Variants in MAGI2 observed in about 807,000 individuals in gnomAD.
MAGI2 encodes the protein membrane-associated guanylate kinase, WW and PDZ domain-containing protein 2.
In MAGI2, 35 loss-of-function variants were observed where a neutral mutation model predicts 133.3. That is an observed-to-expected ratio of 0.26 (90% CI 0.20 to 0.35). The LOEUF (loss-of-function observed/expected upper bound fraction) is 0.35. Among genes scored for constraint, MAGI2 ranks in the 10% least tolerant of loss-of-function variants. MAGI2 has a pLI of 1.00. For synonymous variants in MAGI2, 729 were observed against 710.6 expected, an observed-to-expected ratio of 1.03 and a Z score of -0.41; for missense variants, 1,636 against 1,863.4, an observed-to-expected ratio of 0.88 and a Z score of 2.25.
At chr7:79,220,273 A>T in intron 1 of MAGI2, among the ~76,000 whole-genome samples, 1 of 152,026 alleles carries the variant, frequency 6.6e-6, no homozygotes. Flanking sequence ...AGTTGATCAG[A>T]ACATGTCTCA....
In MAGI2 at chr7:78,068,161, A is replaced by T. The variant is rs114566533; in HGVS notation, c.3706+10786T>A. On this transcript the variant is annotated intron_variant, in intron 21 of 21. Coordinates refer to ENST00000354212, the MANE Select transcript of MAGI2 (RefSeq NM_012301.4). ...AAACTGTTCCACCTCAGATCCTCAG[A>T]GCATCAGGCATTACATGCTCATAAG... is the stretch of plus-strand genomic sequence containing the variant. Among the ~76,000 whole-genome samples, 568 of 152,266 alleles carry T rather than the reference A, an allele frequency of 3.7e-3. 4 individuals are homozygous for T. Among genetic ancestry groups the T allele is most frequent in the African/African-American group, 0.013 (549 of 41,542 alleles).
rs183692071 is a variant in MAGI2, at chr7:78,184,910, A to G, written c.2311+719T>C. 1.6e-3 allele frequency among the ~76,000 whole-genome samples: 243 copies of G among 152,328 alleles called. 2 individuals carry two copies. The highest frequency in any genetic ancestry group is 5.5e-3 in the African/African-American group (230 of 41,586). Reference sequence around the variant, plus strand: ...AAAAATTAAGTTGATATAGATATTTACTTGATTTGAAAAGAATTTCATTCT... The same window carrying G: ...AAAAATTAAGTTGATATAGATATTTGCTTGATTTGAAAAGAATTTCATTCT... On this transcript the variant is annotated intron_variant, in intron 13 of 21. Coordinates refer to ENST00000354212, the MANE Select transcript of MAGI2 (RefSeq NM_012301.4).
At chr7:79,367,163 C>A (rs1043610536) in intron 1 of MAGI2, among the ~76,000 whole-genome samples, 7 of 152,174 alleles carry the variant, frequency 4.6e-5, no homozygotes, top group Admixed American at 1.3e-4. Flanking sequence ...ACTTACCCAT[C>A]CGTCGCAAGA....
chr7:78,263,849 G>A (rs1264920314), intron 9 of MAGI2, among the ~76,000 whole-genome samples: 1 of 152,072 alleles, frequency 6.6e-6, no homozygotes, highest in Admixed American at 6.6e-5. Flanking sequence ...ATTGTCTCCT[G>A]CTTTTTCCAA....
chr7:79,371,485 T>A (rs1451727261), intron 1 of MAGI2, among the ~76,000 whole-genome samples: 1 of 152,170 alleles, frequency 6.6e-6, no homozygotes, highest in African/African-American at 2.4e-5. Flanking sequence ...GTATTTTTAC[T>A]GTAACTTTTC....
chr7:78,919,572 T>C (rs1273190097), intron 2 of MAGI2, among the ~76,000 whole-genome samples: 2 of 152,128 alleles, frequency 1.3e-5, no homozygotes, highest in African/African-American at 2.4e-5. Context: ...AATTCAGTAA[T>C]GTATCACTTA....
intron 2 of MAGI2, among the ~76,000 whole-genome samples, chr7:78,960,262 CA>C (rs1308752530): frequency 1.3e-5 from 2 of 151,820 alleles, no homozygotes; most frequent in Admixed American, 6.6e-5. Context: ...AATTTATTTG[CA>C]AAAAAGTCAC....
At chr7:78,913,768 C>T (rs1321042516) in intron 2 of MAGI2, among the ~76,000 whole-genome samples, 1 of 152,134 alleles carries the variant, frequency 6.6e-6, no homozygotes, top group Non-Finnish European at 1.5e-5. Context: ...TCTGTCTGTA[C>T]TAGGTGGATC....
chr7:79,021,425 TG>T (rs1562796824), intron 1 of MAGI2, among the ~76,000 whole-genome samples: 6 of 152,198 alleles, frequency 3.9e-5, no homozygotes, highest in African/African-American at 1.4e-4. Flanking sequence ...GTCACAGGGG[TG>T]GAGCTGCCAA....
chr7:79,041,413 A>G (rs1811657641), intron 1 of MAGI2, among the ~76,000 whole-genome samples: 1 of 152,174 alleles, frequency 6.6e-6, no homozygotes, highest in Non-Finnish European at 1.5e-5. Flanking sequence ...ATTATCTTTA[A>G]TGTTGTTACT....
Position 79,247,822 on chromosome 7 carries a change from T to C in MAGI2, c.301+205198A>G, listed in dbSNP as rs571934907. On this transcript the variant is annotated intron_variant, in intron 1 of 21. Transcript: ENST00000354212. ...TAAAATAATGACTTATAAGATAATA[T>C]TTGAAATTTTCATGGTACCCTCAAA... Among the ~76,000 whole-genome samples the C allele has an allele frequency of 2.6e-5, 4 of 152,190 alleles. No homozygotes were observed. The South Asian group carries it at 8.3e-4, about 32-fold the overall frequency.
chr7:78,890,640 C>G, intron 2 of MAGI2, among the ~76,000 whole-genome samples: 1 of 152,074 alleles, frequency 6.6e-6, no homozygotes, highest in East Asian at 1.9e-4. Context: ...GGGAACATAA[C>G]GAAATGAAGG....
chr7:79,182,600 A>C (rs1826717913), intron 1 of MAGI2, among the ~76,000 whole-genome samples: 1 of 151,996 alleles, frequency 6.6e-6, no homozygotes, highest in African/African-American at 2.4e-5. Context: ...ATGCAAACTA[A>C]TATAGCATTA....
At chr7:78,361,492 A>G (rs577908437) in intron 7 of MAGI2, among the ~76,000 whole-genome samples, 63 of 151,890 alleles carry the variant, frequency 4.1e-4, no homozygotes, top group African/African-American at 1.5e-3. Flanking sequence ...TTCTCAAAGA[A>G]ATGTTGGTGT....
intron 1 of MAGI2, among the ~76,000 whole-genome samples, chr7:79,010,042 A>G (rs1807886294): frequency 6.6e-6 from 1 of 152,100 alleles, no homozygotes; most frequent in African/African-American, 2.4e-5. Flanking sequence ...ACACATATAT[A>G]TATACACACA....
chr7:78,086,876 C>T (rs535328777), intron 20 of MAGI2, among the ~76,000 whole-genome samples: 1 of 151,962 alleles, frequency 6.6e-6, no homozygotes, highest in African/African-American at 2.4e-5. Context: ...CTCAAGTGAT[C>T]CACCCATTTT....
At chr7:79,223,436 C>G (rs1037158168) in intron 1 of MAGI2, among the ~76,000 whole-genome samples, 1 of 152,000 alleles carries the variant, frequency 6.6e-6, no homozygotes, top group Non-Finnish European at 1.5e-5. Context: ...GAAACAGTCA[C>G]TGACCACCAG....
chr7:78,363,459 C>G (rs112367169), intron 7 of MAGI2, among the ~76,000 whole-genome samples: 5,062 of 147,974 alleles, frequency 0.034, 237 homozygotes, highest in African/African-American at 0.11. Flanking sequence ...CGCCACTGCA[C>G]TCCAGCCTCG....
At chr7:78,376,092 A>G (rs780351389) in intron 6 of MAGI2, among the ~76,000 whole-genome samples, 2 of 152,118 alleles carry the variant, frequency 1.3e-5, no homozygotes, top group Non-Finnish European at 2.9e-5. Context: ...AGCTAACCAC[A>G]GTCCCATTAC....
Sources: allele counts gnomAD v4.1 joint callset (sites outside exome capture counted in the v4.1 genomes callset), GRCh38; gene constraint gnomAD v4.1.1; transcripts MANE v1.5; gene names NCBI Gene and HGNC (gene_info 2026-07-23, HGNC 2026-07-21).